The following PRPF18 variants were observed in gnomAD, a reference collection of about 807,000 sequenced individuals.
PRPF18 encodes the protein pre-mRNA-splicing factor 18.
A neutral mutation model predicts 46.5 loss-of-function variants in PRPF18; 38 were observed. That is an observed-to-expected ratio of 0.82 (90% CI 0.63 to 1.07). The LOEUF (loss-of-function observed/expected upper bound fraction) is 1.07. Ranked by LOEUF, PRPF18 falls within the 50% of genes least tolerant of loss-of-function variation. The probability of loss-of-function intolerance (pLI) is 0.00; values close to 1 mark genes in which losing one functional copy is unlikely to be tolerated. For synonymous variants in PRPF18, 152 were observed against 146.7 expected (o/e 1.04, Z -0.26); for missense variants, 263 against 410.0 (o/e 0.64, Z 3.10).
chr10:13,646,619 T>C, the PRPF18 span: 2 of 152,530 alleles, frequency 1.3e-5, no homozygotes, highest in Non-Finnish European at 2.9e-5. Context: ...CCGCAGGAAT[T>C]GGATGCCGGC....
At chr10:13,645,028 G>A in the PRPF18 span, 1 of 152,228 alleles carries the variant, frequency 6.6e-6, no homozygotes, top group Non-Finnish European at 1.5e-5. Context: ...AGAGAGACTT[G>A]GTGGAGGAGG....
chr10:13,654,904 G>A, the PRPF18 span: 1 of 203,360 alleles, frequency 4.9e-6, no homozygotes, highest in African/African-American at 2.3e-5. Context: ...CTCATACAGG[G>A]AGGGCATATT....
the PRPF18 span, chr10:13,654,015 C>A: frequency 3.0e-6 from 1 of 337,262 alleles, no homozygotes; most frequent in Non-Finnish European, 5.3e-6. Flanking sequence ...GCTGTTTCAC[C>A]TGCCCCAGTG....
chr10:13,590,771 T>C lies in PRPF18; in HGVS notation c.66+3619T>C, dbSNP rs1182917318. On this transcript the variant is annotated intron_variant, in intron 1 of 9. Transcript: ENST00000378572. ...TGGAAGCTAAGAGAAGTTACATGAC[T>C]ATAGGATTATGCAGCTAGCAAGAGA... Among the ~76,000 whole-genome samples, 6 of 152,190 alleles carry C rather than the reference T, an allele frequency of 3.9e-5. No individual in the cohort carries two copies. In the East Asian group the frequency reaches 9.6e-4, roughly 24 times the overall value.
intron 1 of PRPF18, among the ~76,000 whole-genome samples, chr10:13,593,995 C>T (rs962789336): frequency 1.3e-5 from 2 of 152,126 alleles, no homozygotes; most frequent in Non-Finnish European, 1.5e-5. Flanking sequence ...CATTGTTTTG[C>T]GCATGCTATA....
Position 13,597,463 on chromosome 10 carries a change from TA to T in PRPF18, c.78del (p.Lys26AsnfsTer34). 3.8e-6 allele frequency: 6 copies of T among 1,588,582 alleles called. No homozygotes were observed. The highest frequency in any genetic ancestry group is 3.4e-6 in the Non-Finnish European group (4 of 1,168,218). On this transcript the variant is annotated frameshift_variant, in exon 2 of 10. Coordinates refer to ENST00000378572, the MANE Select transcript of PRPF18 (RefSeq NM_003675.4). LOFTEE classifies it high-confidence loss of function. ...VEDRNLLVEN[K>X]KYFKRSELAK... ...TAATTTATTTTCTTTAATAGGAAAA[TA>T]AAAAATATTTCAAGCGTAGTGAGCT...
Position 13,615,255 on chromosome 10 carries a change from C to G in PRPF18, c.793-1143C>G, listed in dbSNP as rs547745439. Among the ~76,000 whole-genome samples the G allele has an allele frequency of 4.3e-4, 65 of 152,308 alleles. 1 individual carries two copies. Among genetic ancestry groups the G allele is most frequent in the Non-Finnish European group, 7.4e-4 (50 of 68,024 alleles). ...TGCCTTTCCTCTTACTGCTTTTTCT[C>G]GTGATCACATATCAGAACTAAGTGC... On this transcript the variant is annotated intron_variant, in intron 8 of 9. Transcript: ENST00000378572.
At chr10:13,587,184 G>A (rs1361707467) in intron 1 of PRPF18, 32 bp downstream of exon 1, 1 of 1,588,538 alleles carries the variant, frequency 6.3e-7, no homozygotes. Flanking sequence ...GGGTCGGGAT[G>A]TAAGAGTGAG....
Position 13,614,037 on chromosome 10 carries a change from A to T in PRPF18, c.743A>T (p.Glu248Val). Residue 248 changes from glutamate to valine, a missense_variant, in exon 8 of 10, where the codon GAA becomes GTA. By Grantham distance (121) the Glu-to-Val change is moderately radical. Coordinates refer to ENST00000378572, the MANE Select transcript of PRPF18 (RefSeq NM_003675.4). ...RKRNLPADIK[E>V]SITDIIKFML... ...CAGAATCTTCCTGCTGATATTAAAGAATCAATAACGGATATTATTAAATTC... is the reference window on the plus strand; with the variant it reads ...CAGAATCTTCCTGCTGATATTAAAGTATCAATAACGGATATTATTAAATTC... 1 of 1,590,480 alleles carries T rather than the reference A, an allele frequency of 6.3e-7. No individual in the cohort carries two copies. The highest frequency in any genetic ancestry group is 8.6e-7 in the Non-Finnish European group (1 of 1,166,082).
the PRPF18 span, among the ~76,000 whole-genome samples, chr10:13,638,493 C>A: frequency 1.3e-5 from 2 of 151,538 alleles, no homozygotes; most frequent in South Asian, 2.1e-4. Context: ...TGATCTGTAC[C>A]CCGCAAGCTG....
chr10:13,629,848 C>T (rs1431140855), intron 9 of PRPF18, among the ~76,000 whole-genome samples: 3 of 152,184 alleles, frequency 2.0e-5, no homozygotes, highest in South Asian at 4.1e-4. Flanking sequence ...GAAGTTATCT[C>T]GTTACATACA....
At chr10:13,625,141 C>A (rs1160248092) in intron 9 of PRPF18, among the ~76,000 whole-genome samples, 1 of 152,028 alleles carries the variant, frequency 6.6e-6, no homozygotes, top group Non-Finnish European at 1.5e-5. Flanking sequence ...CTAGACCAGC[C>A]TGGGCAAAAT....
chr10:13,646,914 C>A, the PRPF18 span: 1 of 794,928 alleles, frequency 1.3e-6, no homozygotes, highest in Non-Finnish European at 1.5e-6. Flanking sequence ...TTGAGGCGGT[C>A]AGATTAGGCC....
At chr10:13,607,890 T>C (rs1457396177) in intron 4 of PRPF18, among the ~76,000 whole-genome samples, 2 of 152,228 alleles carry the variant, frequency 1.3e-5, no homozygotes, top group African/African-American at 4.8e-5. Flanking sequence ...GTTTATTCCA[T>C]GGGCTCTTGA....
In PRPF18 at chr10:13,587,076, C is replaced by T; in HGVS notation, c.-11C>T. On this transcript the variant is annotated 5_prime_UTR_variant, in exon 1 of 10. Transcript: ENST00000378572. Reference sequence around the variant, plus strand: ...GGAGCGGGAAACTGGAGCTTAAATTCTGGCGGCGAGATGGACATTCTGAAA... The same window carrying T: ...GGAGCGGGAAACTGGAGCTTAAATTTTGGCGGCGAGATGGACATTCTGAAA... 5 of 1,613,982 alleles carry T rather than the reference C, an allele frequency of 3.1e-6. No homozygotes were observed. In the South Asian group the frequency reaches 3.3e-5, roughly 11 times the overall value.
chr10:13,607,140 G>A (rs1298125788), intron 4 of PRPF18, among the ~76,000 whole-genome samples: 1 of 152,154 alleles, frequency 6.6e-6, no homozygotes, highest in Non-Finnish European at 1.5e-5. Flanking sequence ...CACCTACGCT[G>A]GAATGCGGTG....
intron 9 of PRPF18, among the ~76,000 whole-genome samples, chr10:13,626,198 G>T (rs1289720727): frequency 6.6e-6 from 1 of 152,192 alleles, no homozygotes; most frequent in African/African-American, 2.4e-5. Flanking sequence ...GGAATCCCCA[G>T]GCTGGAGCTG....
At chr10:13,651,751 TA>T in the PRPF18 span, 1 of 626,684 alleles carries the variant, frequency 1.6e-6, no homozygotes. Context: ...AACCTTCAGC[TA>T]AAAACATAGT....
At position 13,591,823 on chromosome 10, in the gene PRPF18, T is replaced by C. The variant is rs374171485; in HGVS notation, c.66+4671T>C. ...CACAAGTAACAAGCCACTAGCCAGG[T>C]GCTTCAGGAAGACCGCCCTCTTGCC... is the stretch of plus-strand genomic sequence containing the variant. On this transcript the variant is annotated intron_variant, in intron 1 of 9. Transcript: ENST00000378572. 1.7e-4 allele frequency: 249 copies of C among 1,441,760 alleles called. No homozygotes were observed. The African/African-American group carries it at 3.3e-3, about 19-fold the overall frequency. 89.3% of individuals were successfully genotyped at this position (1,441,760 alleles called of 1,614,324 possible).
Sources: gnomAD v4.1 joint callset for allele counts (sites outside exome capture counted in the v4.1 genomes callset) on GRCh38, gnomAD v4.1.1 for gene constraint, MANE v1.5 for transcripts, NCBI Gene and HGNC (gene_info 2026-07-23, HGNC 2026-07-21) for gene names.